NLRP6: variants seen among roughly 807,000 people sequenced by gnomAD.
The protein encoded by NLRP6 is NACHT, LRR and PYD domains-containing protein 6.
A neutral mutation model predicts 70.9 loss-of-function variants in NLRP6; 55 were observed. That is an observed-to-expected ratio of 0.78 (90% CI 0.62 to 0.97). The LOEUF (loss-of-function observed/expected upper bound fraction) is 0.97. Among genes scored for constraint, NLRP6 ranks in the 50% least tolerant of loss-of-function variants. The pLI, the probability that NLRP6 is intolerant of heterozygous loss-of-function variation, is 0.00. For missense variants in NLRP6, 1,241 were observed against 1,238.3 expected, an observed-to-expected ratio of 1.00 and a Z score of -0.03; for synonymous variants, 652 against 581.9, an observed-to-expected ratio of 1.12 and a Z score of -1.73.
chr11:279,106 G>A (rs947261936), intron 1 of NLRP6: 4 of 398,394 alleles, frequency 1.0e-5, no homozygotes, highest in Admixed American at 4.5e-5. Flanking sequence ...CTCAGAGGGC[G>A]AAGAACACCA....
chr11:281,606 C>T lies in NLRP6; in HGVS notation c.1872C>T (p.Cys624=). The change falls in exon 4 of 8, where the codon TGC becomes TGT. Residue 624 remains cysteine, a synonymous_variant. Transcript: ENST00000534750. The part of the protein sequence containing the change: ...EPNYPLELLY[C]LYETQEDAFV... ...ACTACCCACTGGAGTTGCTGTACTG[C>T]CTGTACGAGACGCAGGAGGACGCGT... is the stretch of plus-strand genomic sequence containing the variant. 6.2e-7 allele frequency: 1 copy of T among 1,611,976 alleles called. No individual in the cohort carries two copies. Among genetic ancestry groups the T allele is most frequent in the Admixed American group, 1.7e-5 (1 of 59,926 alleles).
rs1237536398 is a variant in NLRP6 at position 280,485 on chromosome 11, G to A, written c.751G>A (p.Asp251Asn). ...LERPGTRSLA[D>N]LILDQCPDRG... ...GAGGCCGGGCACGCGCAGCCTGGCT[G>A]ACCTGATCCTGGACCAGTGCCCCGA... The change falls in exon 4 of 8, where the codon GAC becomes AAC. Residue 251 changes from aspartate to asparagine, a missense_variant. Asp to Asn is a conservative substitution (Grantham distance 23). Coordinates refer to ENST00000534750, the MANE Select transcript of NLRP6 (RefSeq NM_001276700.2). 2.5e-6 allele frequency: 4 copies of A among 1,591,522 alleles called. No homozygotes were observed. Among genetic ancestry groups the A allele is most frequent in the South Asian group, 1.1e-5 (1 of 90,354 alleles).
At chr11:284,017 G>A (rs938593132) in intron 5 of NLRP6, among the ~76,000 whole-genome samples, 10 of 152,314 alleles carry the variant, frequency 6.6e-5, no homozygotes, top group East Asian at 1.9e-4. Context: ...CGAAGAGCTC[G>A]TAGAGAGTGT....
rs751853537 is a variant in NLRP6, at chr11:281,789, G to T, written c.2055G>T (p.Lys685Asn). The change falls in exon 4 of 8, where the codon AAG becomes AAT. Residue 685 changes from lysine (K) to asparagine (N), a missense_variant. Coordinates refer to ENST00000534750, the MANE Select transcript of NLRP6 (RefSeq NM_001276700.2). ...GCAGATTGGTTGCTGCGCAGGAGAA[G>T]AAGAAGAAGAGCCTGGGGAAGCGGC... Reference protein sequence around the residue: ...ISCRLVAAQEKKKKSLGKRLQ... With the variant: ...ISCRLVAAQENKKKSLGKRLQ... The T allele has an allele frequency of 6.2e-7, 1 of 1,602,546 alleles. No individual in the cohort carries two copies. The highest frequency in any genetic ancestry group is 8.5e-7 in the Non-Finnish European group (1 of 1,177,424).
In NLRP6 at chr11:281,585, C is replaced by A. The variant is rs747503283; in HGVS notation, c.1851C>A (p.Tyr617Ter). ...EEEEEGEEPNYPLELLYCLYE... is the reference protein window; with the variant it reads ...EEEEEGEEPN The stretch of plus-strand genomic sequence containing the variant: ...AGGAGGAGGGAGAGGAGCCCAACTA[C>A]CCACTGGAGTTGCTGTACTGCCTGT... Residue 617 changes from tyrosine (Y) to a stop codon, truncating the protein, a stop_gained, in exon 4 of 8, where the codon TAC (tyrosine) becomes TAA (stop). Transcript: ENST00000534750. LOFTEE classifies it high-confidence loss of function. 2 of 1,611,320 alleles carry A rather than the reference C, an allele frequency of 1.2e-6. No individual in the cohort carries two copies. Among genetic ancestry groups the A allele is most frequent in the Non-Finnish European group, 1.7e-6 (2 of 1,178,802 alleles).
At position 280,640 on chromosome 11, in the gene NLRP6, G is replaced by C. The variant is rs896145370; in HGVS notation, c.906G>C (p.Ala302=). 1.3e-6 allele frequency: 2 copies of C among 1,505,788 alleles called. No homozygotes were observed. Among genetic ancestry groups the C allele is most frequent in the African/African-American group, 2.9e-5 (2 of 68,718 alleles). The allele number at this position is 1,505,788 out of a possible 1,614,324, so 93.3% of individuals were successfully genotyped here. A position where few individuals can be genotyped will look rare whatever the true frequency, so the allele number is the denominator to read the frequency against. ...CCTGCACAGACCCCTTCGAGGCGGC[G>C]AGCGGCGCGCGGGTGCTAGGCGGGC... ...AAPCTDPFEA[A]SGARVLGGLL... is the part of the protein sequence containing the mutation. Residue 302 remains alanine, a synonymous_variant, in exon 4 of 8, where the codon GCG becomes GCC. Transcript: ENST00000534750.
intron 7 of NLRP6, among the ~76,000 whole-genome samples, chr11:284,849 G>T (rs941980323): frequency 6.6e-6 from 1 of 152,298 alleles, no homozygotes; most frequent in Non-Finnish European, 1.5e-5. Flanking sequence ...TGACCACTTT[G>T]TCTGACCAAA....
intron 5 of NLRP6, among the ~76,000 whole-genome samples, chr11:283,708 T>C (rs1273770237): frequency 2.0e-5 from 3 of 152,204 alleles, no homozygotes; most frequent in East Asian, 3.9e-4. Flanking sequence ...CTAGTACTGA[T>C]GGTGAAACAG....
In NLRP6 at chr11:284,366, C is replaced by G. The variant is rs751422302; in HGVS notation, c.2335C>G (p.Leu779Val). 7 of 1,603,658 alleles carry G rather than the reference C, an allele frequency of 4.4e-6. No individual in the cohort carries two copies. The East Asian group carries it at 1.6e-4, about 36-fold the overall frequency. The part of the protein sequence containing the change: ...EAGLRMLSEG[L>V]AWPQCRVQTV... ...GGGACTGCGTATGCTGAGTGAGGGC[C>G]TAGCCTGGCCGCAGTGCAGGGTGCA... is the stretch of plus-strand genomic sequence containing the variant. The change falls in exon 6 of 8, where the codon CTA becomes GTA. Residue 779 changes from leucine to valine, a missense_variant. By Grantham distance (32) the Leu-to-Val change is conservative. Transcript: ENST00000534750.
At chr11:283,877 G>GAA (rs139029906) in intron 5 of NLRP6, among the ~76,000 whole-genome samples, 3 of 142,700 alleles carry the variant, frequency 2.1e-5, no homozygotes, top group African/African-American at 5.1e-5. Context: ...ATTTATAATG[G>GAA]AAAAAAAAAA....
At chr11:279,176 G>A (rs1036276766) in intron 1 of NLRP6, 151 bp from the exon 2 acceptor site, 5 of 630,336 alleles carry the variant, frequency 7.9e-6, no homozygotes, top group Middle Eastern at 5.0e-4. Flanking sequence ...ACTCCCCGTT[G>A]CCCCCTCCCG....
chr11:281,612 C>A lies in NLRP6; in HGVS notation c.1878C>A (p.Tyr626Ter), dbSNP rs199475808. Residue 626 changes from tyrosine (Y) to a stop codon, truncating the protein, a stop_gained, in exon 4 of 8, where the codon TAC becomes TAA. Transcript: ENST00000534750. LOFTEE classifies it high-confidence loss of function. The stretch of plus-strand genomic sequence containing the variant: ...CACTGGAGTTGCTGTACTGCCTGTA[C>A]GAGACGCAGGAGGACGCGTTTGTGC... ...NYPLELLYCLYETQEDAFVRQ... is the reference protein window; with the variant it reads ...NYPLELLYCL The A allele has an allele frequency of 6.2e-7, 1 of 1,612,052 alleles. No homozygotes were observed. Among genetic ancestry groups the A allele is most frequent in the Non-Finnish European group, 8.5e-7 (1 of 1,179,212 alleles).
chr11:283,366 T>A (rs1189005910), intron 5 of NLRP6, among the ~76,000 whole-genome samples: 2 of 139,418 alleles, frequency 1.4e-5, no homozygotes, highest in African/African-American at 5.4e-5. Context: ...CAGGCTGGAG[T>A]GCAGTGGTGT....
intron 7 of NLRP6, 72 bp downstream of exon 7, chr11:284,714 C>T (rs977959416): frequency 2.8e-6 from 4 of 1,447,000 alleles, no homozygotes; most frequent in Non-Finnish European, 3.7e-6. Context: ...TGCCTGGGGG[C>T]TCCCCCTGGA....
At position 278,665 on chromosome 11, in the gene NLRP6, AC is replaced by A; in HGVS notation, c.29+70del. The stretch of plus-strand genomic sequence containing the variant: ...CTCAGCCCTCTGGGGCCTCCACCTC[AC>A]CCGCTGACTTCCTCAGGCTCTCCAC... On this transcript the variant is annotated intron_variant, in intron 1 of 7. Coordinates refer to ENST00000534750, the MANE Select transcript of NLRP6 (RefSeq NM_001276700.2). The surrounding 1 kb of genome is among the most constrained non-coding windows in gnomAD (Gnocchi z 4.7). The A allele has an allele frequency of 7.8e-7, 1 of 1,287,250 alleles. No individual in the cohort carries two copies. The highest frequency in any genetic ancestry group is 1.1e-6 in the Non-Finnish European group (1 of 931,180). 79.7% of individuals were successfully genotyped at this position (1,287,250 alleles called of 1,614,324 possible). A position where few individuals can be genotyped will look rare whatever the true frequency, so the allele number is the denominator to read the frequency against.
chr11:279,997 C>G (rs1207277302), intron 3 of NLRP6, 87 bp from the exon 4 acceptor site: 4 of 1,412,456 alleles, frequency 2.8e-6, no homozygotes, highest in Non-Finnish European at 3.7e-6. Context: ...GAGGCCTGAG[C>G]AGGGCCGGGG....
In NLRP6 at chr11:284,491, C is replaced by G. The variant is rs993459294; in HGVS notation, c.2386C>G (p.Pro796Ala). The G allele has an allele frequency of 6.2e-7, 1 of 1,612,790 alleles. No individual in the cohort carries two copies. Among genetic ancestry groups the G allele is most frequent in the African/African-American group, 1.3e-5 (1 of 74,904 alleles). ...CTCCCACAGGGTACAGCTGCCTGAC[C>G]CCCAGCGAGGGCTCCAGTACCTGGT... ...VQTVRVQLPDPQRGLQYLVGM... is the reference protein window; with the variant it reads ...VQTVRVQLPDAQRGLQYLVGM... Residue 796 changes from proline (P) to alanine (A), a missense_variant, in exon 7 of 8, where the codon CCC becomes GCC. Transcript: ENST00000534750.
In NLRP6 at chr11:278,721, T is replaced by G. The variant is rs375377798; in HGVS notation, c.29+123T>G. 3.5e-3 allele frequency: 2,326 copies of G among 669,284 alleles called. 105 individuals carry two copies. The South Asian group carries it at 0.059, about 17-fold the overall frequency. 41.5% of individuals were successfully genotyped at this position (669,284 alleles called of 1,614,324 possible). On this transcript the variant is annotated intron_variant, in intron 1 of 7. Transcript: ENST00000534750. This position sits in a 1 kb window ranked among gnomAD's most constrained non-coding sequence, Gnocchi z 4.7. ...GTCCACATCCTTCCCCCACCCTCAC[T>G]CCCAGGCTCAGGAGCCAAGCACTGC...
chr11:285,094 A>T, intron 7 of NLRP6, 72 bp from the exon 8 acceptor site: 1 of 1,430,078 alleles, frequency 7.0e-7, no homozygotes, highest in Non-Finnish European at 9.5e-7. Flanking sequence ...GGCTGCCCCC[A>T]CGGCACTGCC....
Sources: allele counts gnomAD v4.1 joint callset (sites outside exome capture counted in the v4.1 genomes callset), GRCh38; gene constraint gnomAD v4.1.1; non-coding constraint Gnocchi (gnomAD v3.1); transcripts MANE v1.5; gene names NCBI Gene and HGNC (gene_info 2026-07-23, HGNC 2026-07-21).